Variants in RAD18 observed in about 807,000 individuals in gnomAD.
RAD18 encodes the protein E3 ubiquitin-protein ligase RAD18.
A neutral mutation model predicts 60.4 loss-of-function variants in RAD18; 47 were observed. That is an observed-to-expected ratio of 0.78 (90% CI 0.62 to 0.99). The LOEUF (loss-of-function observed/expected upper bound fraction) is 0.99, where lower values mean the gene tolerates loss of function less well. RAD18 is among the 50% of genes least tolerant of loss of function. The pLI is 0.00. For synonymous variants in RAD18, 225 were observed against 195.5 expected (o/e 1.15, Z -1.26); for missense variants, 640 against 593.3 (o/e 1.08, Z -0.82).
intron 7 of RAD18, among the ~76,000 whole-genome samples, chr3:8,930,723 A>G (rs559107928): frequency 6.6e-6 from 1 of 152,344 alleles, no homozygotes; most frequent in East Asian, 1.9e-4. Context: ...CCTCAACCTC[A>G]TAAAAGGCAT....
rs528238059 is a variant in RAD18 at position 8,913,912 on chromosome 3, TA to T, written c.890-193del. Among the ~76,000 whole-genome samples, 353 of 152,348 alleles carry T rather than the reference TA, an allele frequency of 2.3e-3. 1 individual carries two copies. The highest frequency in any genetic ancestry group is 6.8e-3 in the Middle Eastern group (2 of 294). The stretch of plus-strand genomic sequence containing the variant: ...AAAGGTTAAAAAAATAACATGGAGT[TA>T]AAACACTGAACTCTTACACATGCAC... On this transcript the variant is annotated intron_variant, in intron 7 of 12. Coordinates refer to ENST00000264926, the MANE Select transcript of RAD18 (RefSeq NM_020165.4).
chr3:8,944,324 C>A (rs895709858), intron 4 of RAD18, among the ~76,000 whole-genome samples: 1 of 152,062 alleles, frequency 6.6e-6, no homozygotes, highest in African/African-American at 2.4e-5. Flanking sequence ...AAGAAAACTC[C>A]AAGCCCAGAT....
intron 12 of RAD18, among the ~76,000 whole-genome samples, chr3:8,889,261 T>C (rs766854080): frequency 1.9e-4 from 29 of 152,228 alleles, no homozygotes; most frequent in Non-Finnish European, 3.7e-4. Flanking sequence ...TAGAATCTCA[T>C]CTCCATCACT....
At position 8,901,509 on chromosome 3, in the gene RAD18, C is replaced by T. The variant is rs45555531; in HGVS notation, c.1168+871G>A. On this transcript the variant is annotated intron_variant, in intron 10 of 12. Coordinates refer to ENST00000264926, the MANE Select transcript of RAD18 (RefSeq NM_020165.4). ...TAAAATGTGCTACAACATTGAAGGA[C>T]TCTGAAAACATTATGCTTAGAGAAA... 7.4e-3 allele frequency among the ~76,000 whole-genome samples: 1,130 copies of T among 152,160 alleles called. 16 individuals are homozygous for T. Among genetic ancestry groups the T allele is most frequent in the African/African-American group, 0.026 (1,065 of 41,498 alleles).
intron 1 of RAD18, among the ~76,000 whole-genome samples, chr3:8,959,771 A>G (rs185106485): frequency 1.3e-4 from 20 of 152,154 alleles, no homozygotes; most frequent in South Asian, 6.2e-4. Flanking sequence ...ATTTTTTAAA[A>G]GGAGGAAGCT....
intron 7 of RAD18, among the ~76,000 whole-genome samples, chr3:8,928,180 A>G (rs921792874): frequency 2.6e-5 from 4 of 152,136 alleles, no homozygotes; most frequent in Non-Finnish European, 5.9e-5. Context: ...CACCCCTACA[A>G]AAAAACAAAA....
At chr3:8,928,049 T>TAAAA (rs58756851) in intron 7 of RAD18, among the ~76,000 whole-genome samples, 17 of 121,730 alleles carry the variant, frequency 1.4e-4, no homozygotes, top group Non-Finnish European at 1.5e-4. Flanking sequence ...CCCTAAAACT[T>TAAAA]AAAAAAAAAA....
chr3:8,961,799 G>A lies in RAD18; in HGVS notation c.51+1536C>T, dbSNP rs565196057. ...TGCCAAACTCTACATTCAGTGCTGT[G>A]GTGAGATACCAAAGTCAGAGAAGAC... On this transcript the variant is annotated intron_variant, in intron 1 of 12. Transcript: ENST00000264926. Among the ~76,000 whole-genome samples, 17 of 152,242 alleles carry A rather than the reference G, an allele frequency of 1.1e-4. No individual in the cohort carries two copies. The South Asian group carries it at 3.1e-3, about 28-fold the overall frequency.
At chr3:8,909,320 G>A (rs1940066224) in intron 9 of RAD18, among the ~76,000 whole-genome samples, 1 of 152,170 alleles carries the variant, frequency 6.6e-6, no homozygotes, top group African/African-American at 2.4e-5. Context: ...AATGGCAGGA[G>A]GGCAGCAAGG....
intron 12 of RAD18, chr3:8,890,142 GC>G (rs1356654683): frequency 1.0e-5 from 5 of 494,182 alleles, no homozygotes; most frequent in African/African-American, 9.7e-5. Context: ...TGTATTAATT[GC>G]CCATAAGAAC....
intron 12 of RAD18, among the ~76,000 whole-genome samples, chr3:8,886,121 G>C (rs906836883): frequency 6.6e-6 from 1 of 152,196 alleles, no homozygotes; most frequent in Non-Finnish European, 1.5e-5. Flanking sequence ...GAAAAACCTT[G>C]TGGCAATTAG....
rs1939399496 is a variant in RAD18, at chr3:8,878,241, TG to T, written c.*3115del. 6.6e-6 allele frequency: 1 copy of T among 152,142 alleles called. No individual in the cohort carries two copies. Among genetic ancestry groups the T allele is most frequent in the Admixed American group, 6.5e-5 (1 of 15,270 alleles). 9.4% of individuals were successfully genotyped at this position (152,142 alleles called of 1,614,324 possible). On this transcript the variant is annotated 3_prime_UTR_variant, in exon 13 of 13. Coordinates refer to ENST00000264926, the MANE Select transcript of RAD18 (RefSeq NM_020165.4). Reference sequence around the variant, plus strand: ...GAAATACACAGAAGGAATGGAGAAATGCCCCCTTTAAGGTCTCAATGCAGGT... The same window carrying T: ...GAAATACACAGAAGGAATGGAGAAATCCCCCTTTAAGGTCTCAATGCAGGT...
At chr3:8,943,134 T>C (rs901558383) in intron 4 of RAD18, among the ~76,000 whole-genome samples, 9 of 152,224 alleles carry the variant, frequency 5.9e-5, no homozygotes, top group African/African-American at 2.2e-4. Flanking sequence ...ATGTGACATC[T>C]TTCAAAAGAA....
intron 12 of RAD18, among the ~76,000 whole-genome samples, chr3:8,885,098 C>T (rs1422868090): frequency 6.6e-6 from 1 of 152,168 alleles, no homozygotes; most frequent in Non-Finnish European, 1.5e-5. Context: ...TCATCATCAG[C>T]CTGCTTCCAA....
At chr3:8,951,581 G>A (rs771015694) in intron 2 of RAD18, among the ~76,000 whole-genome samples, 2 of 152,210 alleles carry the variant, frequency 1.3e-5, no homozygotes, top group Admixed American at 6.5e-5. Context: ...ATGTGAAACT[G>A]TAATAAAAAC....
At chr3:8,917,929 G>A (rs1230726891) in intron 7 of RAD18, among the ~76,000 whole-genome samples, 1 of 152,136 alleles carries the variant, frequency 6.6e-6, no homozygotes, top group Middle Eastern at 3.2e-3. Flanking sequence ...GGAAAGAGAT[G>A]TCTCATGTAA....
At chr3:8,892,505 A>AT (rs1559757410) in intron 11 of RAD18, among the ~76,000 whole-genome samples, 2 of 152,214 alleles carry the variant, frequency 1.3e-5, no homozygotes, top group Admixed American at 6.5e-5. Context: ...CCTGCAATTT[A>AT]TTTTTCACAC....
chr3:8,898,098 T>A (rs971834892), intron 11 of RAD18, among the ~76,000 whole-genome samples: 2 of 151,408 alleles, frequency 1.3e-5, no homozygotes, highest in African/African-American at 2.4e-5. Flanking sequence ...AAGTATTCAA[T>A]AGAAACAAAG....
rs566821239 is a variant in RAD18, at chr3:8,959,056, C to T, written c.52-55G>A. ...CAGAAAGACATCAAAATTGGAAGTC[C>T]TGTCACAAAACTTTTTCTCTATCCC... On this transcript the variant is annotated intron_variant, in intron 1 of 12. Transcript: ENST00000264926. 29 of 1,449,544 alleles carry T rather than the reference C, an allele frequency of 2.0e-5. No individual in the cohort carries two copies. The African/African-American group carries it at 3.9e-4, about 20-fold the overall frequency. The allele number at this position is 1,449,544 out of a possible 1,614,324, so 89.8% of individuals were successfully genotyped here.
Sources: allele counts gnomAD v4.1 joint callset (sites outside exome capture counted in the v4.1 genomes callset), GRCh38; gene constraint gnomAD v4.1.1; transcripts MANE v1.5; gene names NCBI Gene and HGNC (gene_info 2026-07-23, HGNC 2026-07-21).